DMD: variants seen among roughly 807,000 people sequenced by gnomAD.
DMD encodes the protein mutant dystrophin.
Under a neutral mutation model 330.1 loss-of-function variants are expected in DMD, and 63 were observed. The observed-to-expected ratio is 0.19, with a 90% confidence interval of 0.16 to 0.24. DMD has a LOEUF of 0.24. Among genes scored for constraint, DMD ranks in the 10% least tolerant of loss-of-function variants. DMD has a pLI of 1.00. For missense variants in DMD, 3,344 were observed against 2,684.1 expected (o/e 1.25, Z -5.43); for synonymous variants, 1,223 against 959.8 (o/e 1.27, Z -5.07).
chrX:32,012,426 C>T (rs751058056), intron 44 of DMD, among the ~76,000 whole-genome samples: 2 of 111,887 alleles, frequency 1.8e-5, no homozygotes, highest in Admixed American at 9.5e-5. Context: ...GCCTCAGTCA[C>T]CCCCTAGGTG....
chrX:32,904,124 G>A (rs1474674385), intron 2 of DMD, among the ~76,000 whole-genome samples: 2 of 112,185 alleles, frequency 1.8e-5, no homozygotes, highest in East Asian at 5.6e-4. Context: ...AGCTGTCTCA[G>A]TAAATGTGCT....
intron 7 of DMD, among the ~76,000 whole-genome samples, chrX:32,794,372 T>C (rs962922215): frequency 2.7e-5 from 3 of 111,480 alleles, no homozygotes; most frequent in Non-Finnish European, 3.8e-5. Context: ...GGTGGATCAA[T>C]AGATCAGGAG....
Position 31,258,212 on chromosome X carries a change from G to A in DMD, c.9286+2743C>T, listed in dbSNP as rs781307465. ...AACAGAAAACTGAGGACAAATCCAG[G>A]TGTAGCCCCACATAGCTGTGTAGCC... On this transcript the variant is annotated intron_variant, in intron 63 of 78. Transcript: ENST00000357033. Among the ~76,000 whole-genome samples the A allele has an allele frequency of 9.8e-5, 11 of 112,429 alleles. No homozygotes were observed. In the East Asian group the frequency reaches 3.1e-3, roughly 31 times the overall value.
rs759351654 is a variant in DMD, at chrX:32,188,610, T to A, written c.6438+28306A>T. Reference sequence around the variant, plus strand: ...TCTCACTTGTAAACCACTAACCCATTTCTCTAGCCTTATGCCAGCACACTG... The same window carrying A: ...TCTCACTTGTAAACCACTAACCCATATCTCTAGCCTTATGCCAGCACACTG... On this transcript the variant is annotated intron_variant, in intron 44 of 78. Transcript: ENST00000357033. Among the ~76,000 whole-genome samples, 7 of 108,178 alleles carry A rather than the reference T, an allele frequency of 6.5e-5. No homozygotes were observed. In the South Asian group the frequency reaches 2.9e-3, roughly 44 times the overall value. 93.9% of individuals were successfully genotyped at this position (108,178 alleles called of 115,157 possible).
chrX:32,593,102 G>A (rs1181406330), intron 13 of DMD, among the ~76,000 whole-genome samples: 6 of 112,906 alleles, frequency 5.3e-5, no homozygotes, highest in African/African-American at 1.9e-4. Flanking sequence ...AGCACAGCCT[G>A]CCAGGCTGAG....
chrX:32,891,845 G>T (rs913505065), intron 2 of DMD, among the ~76,000 whole-genome samples: 1 of 111,588 alleles, frequency 9.0e-6, no homozygotes, highest in South Asian at 3.8e-4. Flanking sequence ...GCCATAGTCT[G>T]ATTTGAGGTT....
At chrX:32,751,971 T>C (rs2070880389) in intron 7 of DMD, among the ~76,000 whole-genome samples, 2 of 112,926 alleles carry the variant, frequency 1.8e-5, no homozygotes, top group Non-Finnish European at 1.9e-5. Flanking sequence ...TGGGAACCTC[T>C]GCCTAGATTT....
intron 50 of DMD, among the ~76,000 whole-genome samples, chrX:31,795,686 T>C (rs34738979): frequency 0.13 from 14,600 of 111,660 alleles, 819 homozygotes; most frequent in East Asian, 0.24. Context: ...CTATTAAATA[T>C]GTCACCAGGG....
chrX:31,158,988 G>A (rs774425421), intron 74 of DMD, among the ~76,000 whole-genome samples: 2 of 111,942 alleles, frequency 1.8e-5, no homozygotes, highest in African/African-American at 6.5e-5. Context: ...GGTATATTAA[G>A]GGATTTTGGG....
At chrX:33,271,846 A>G (rs1228550949) in intron 1 of DMD, among the ~76,000 whole-genome samples, 1 of 110,907 alleles carries the variant, frequency 9.0e-6, no homozygotes, top group Non-Finnish European at 1.9e-5. Flanking sequence ...AAACATGAAT[A>G]GTGACCATGT....
At chrX:32,310,578 G>C (rs1047882883) in intron 41 of DMD, among the ~76,000 whole-genome samples, 1 of 111,175 alleles carries the variant, frequency 9.0e-6, no homozygotes, top group Non-Finnish European at 1.9e-5. Context: ...AGAAAAAGAC[G>C]ATTTTTGCAA....
chrX:32,333,674 C>G (rs1018077632), intron 41 of DMD, among the ~76,000 whole-genome samples: 1 of 111,352 alleles, frequency 9.0e-6, no homozygotes, highest in African/African-American at 3.3e-5. Context: ...ATTATCACTA[C>G]AGATAATGCC....
chrX:31,435,229 G>GT (rs1464098005), intron 60 of DMD, among the ~76,000 whole-genome samples: 2 of 112,089 alleles, frequency 1.8e-5, no homozygotes, highest in Non-Finnish European at 3.8e-5. Flanking sequence ...ATGGCATACA[G>GT]TAAGTGCTAG....
At chrX:32,421,630 A>G (rs1309974421) in intron 29 of DMD, among the ~76,000 whole-genome samples, 1 of 111,886 alleles carries the variant, frequency 8.9e-6, no homozygotes, top group East Asian at 2.8e-4. Flanking sequence ...CAATACATTA[A>G]GCTTGCTGAA....
chrX:32,428,822 G>A (rs1304220751), intron 29 of DMD, among the ~76,000 whole-genome samples: 2 of 111,336 alleles, frequency 1.8e-5, no homozygotes, highest in East Asian at 5.7e-4. Flanking sequence ...ATGCTGCCCA[G>A]ATTGGTCTCG....
chrX:31,849,122 A>C (rs1049902211), intron 48 of DMD, among the ~76,000 whole-genome samples: 3 of 110,097 alleles, frequency 2.7e-5, no homozygotes, highest in Non-Finnish European at 3.8e-5. Flanking sequence ...CCTACTAATA[A>C]CCTTAGAATA....
chrX:31,638,637 A>G (rs912135982), intron 54 of DMD, among the ~76,000 whole-genome samples: 6 of 112,629 alleles, frequency 5.3e-5, no homozygotes, highest in South Asian at 3.6e-4. Flanking sequence ...TACTTGTCTA[A>G]AAGTTTTTCA....
chrX:32,063,975 T>C (rs2096245053), intron 44 of DMD, among the ~76,000 whole-genome samples: 2 of 111,164 alleles, frequency 1.8e-5, no homozygotes, highest in Admixed American at 1.9e-4. Flanking sequence ...AATATATAAA[T>C]AGAAATGACT....
chrX:31,557,103 T>G (rs1292513028), intron 55 of DMD, among the ~76,000 whole-genome samples: 1 of 111,470 alleles, frequency 9.0e-6, no homozygotes, highest in Non-Finnish European at 1.9e-5. Flanking sequence ...GCTAAAGAGG[T>G]TTGAAGAAAG....
Sources: allele counts gnomAD v4.1 joint callset (sites outside exome capture counted in the v4.1 genomes callset), GRCh38; gene constraint gnomAD v4.1.1; transcripts MANE v1.5; gene names NCBI Gene and HGNC (gene_info 2026-07-23, HGNC 2026-07-21).